The following HIPK2 variants were observed in gnomAD, a reference collection of about 807,000 sequenced individuals.
The protein encoded by HIPK2 is homeodomain interacting protein kinase 2.
In HIPK2, 27 loss-of-function variants were observed where a neutral mutation model predicts 113.7. The ratio of observed to expected loss-of-function variants is 0.24; its 90% CI spans 0.17 to 0.33. The LOEUF (loss-of-function observed/expected upper bound fraction) is 0.33, where lower values mean the gene tolerates loss of function less well. HIPK2 is among the 10% of genes least tolerant of loss of function. HIPK2 has a pLI of 1.00. For synonymous variants in HIPK2, 631 were observed against 642.2 expected (o/e 0.98, Z 0.26); for missense variants, 1,257 against 1,588.0 (o/e 0.79, Z 3.54).
intron 9 of HIPK2, among the ~76,000 whole-genome samples, chr7:139,612,837 C>A (rs1346595652): frequency 6.6e-6 from 1 of 152,122 alleles, no homozygotes; most frequent in East Asian, 1.9e-4. Flanking sequence ...TCTAAAAACT[C>A]ATTTCTATTT....
intron 1 of HIPK2, among the ~76,000 whole-genome samples, chr7:139,745,876 T>TAGTTA: frequency 1.3e-5 from 2 of 152,262 alleles, no homozygotes; most frequent in Admixed American, 1.3e-4. Flanking sequence ...TACCCACTAC[T>TAGTTA]AGTTAAGTCT....
At chr7:139,763,257 C>T (rs1333954623) in intron 1 of HIPK2, among the ~76,000 whole-genome samples, 2 of 152,162 alleles carry the variant, frequency 1.3e-5, no homozygotes, top group Non-Finnish European at 2.9e-5. Context: ...AGTTGGACAT[C>T]TGAAGTACGG....
Position 139,565,701 on chromosome 7 carries a change from C to CTTCTTTTTTTTT in HIPK2, c.*7214_*7225dup, listed in dbSNP as rs1416780670. 6.6e-6 allele frequency: 1 copy of CTTCTTTTTTTTT among 150,412 alleles called. No individual in the cohort carries two copies. The highest frequency in any genetic ancestry group is 1.5e-5 in the Non-Finnish European group (1 of 67,714). The allele number at this position is 150,412 out of a possible 1,614,324, so 9.3% of individuals were successfully genotyped here. On this transcript the variant is annotated 3_prime_UTR_variant, in exon 15 of 15. Transcript: ENST00000406875. ...AAGTCTTGTCTTTCTTCCACCTCTA[C>CTTCTTTTTTTTT]TTCTTTTTTTTTTTCTTTTTTTTTT...
chr7:139,682,223 T>C (rs541754347), intron 2 of HIPK2, among the ~76,000 whole-genome samples: 2 of 152,226 alleles, frequency 1.3e-5, no homozygotes, highest in African/African-American at 4.8e-5. Flanking sequence ...TCCTGTTACC[T>C]CTCCAGCCTC....
At position 139,597,043 on chromosome 7, in the gene HIPK2, C is replaced by T. The variant is rs540662177; in HGVS notation, c.2436-45G>A. The T allele has an allele frequency of 9.1e-6, 14 of 1,546,420 alleles. No homozygotes were observed. In the South Asian group the frequency reaches 1.6e-4, roughly 17 times the overall value. On this transcript the variant is annotated intron_variant, in intron 11 of 14. Coordinates refer to ENST00000406875, the MANE Select transcript of HIPK2 (RefSeq NM_022740.5). The stretch of plus-strand genomic sequence containing the variant: ...CTCTCACACAGAGGAAGGTCAGGCC[C>T]CACAACTCCTTCGAAGGAGCCCAAT...
At chr7:139,730,868 C>T (rs1795756335) in intron 1 of HIPK2, among the ~76,000 whole-genome samples, 1 of 152,158 alleles carries the variant, frequency 6.6e-6, no homozygotes, top group Admixed American at 6.5e-5. Context: ...CACAGACATA[C>T]ACACAGAGTG....
At chr7:139,594,119 G>T (rs1217466586) in intron 12 of HIPK2, among the ~76,000 whole-genome samples, 2 of 152,022 alleles carry the variant, frequency 1.3e-5, no homozygotes, top group African/African-American at 4.8e-5. Flanking sequence ...ACTTGAATTT[G>T]CAACCGCACC....
chr7:139,685,449 C>T (rs1015547611), intron 2 of HIPK2, among the ~76,000 whole-genome samples: 3 of 152,176 alleles, frequency 2.0e-5, no homozygotes, highest in Non-Finnish European at 4.4e-5. Context: ...AGGTATGAGC[C>T]ACCACACCCG....
At chr7:139,755,536 CT>C (rs1476121229) in intron 1 of HIPK2, among the ~76,000 whole-genome samples, 1 of 152,248 alleles carries the variant, frequency 6.6e-6, no homozygotes, top group African/African-American at 2.4e-5. Flanking sequence ...GTCTCCTGAG[CT>C]GACGGGGAAA....
At chr7:139,744,330 T>C (rs947357461) in intron 1 of HIPK2, among the ~76,000 whole-genome samples, 1 of 152,202 alleles carries the variant, frequency 6.6e-6, no homozygotes, top group Non-Finnish European at 1.5e-5. Context: ...AGATCACACA[T>C]TGTCTGATTC....
At chr7:139,723,613 A>G (rs1458317092) in intron 1 of HIPK2, among the ~76,000 whole-genome samples, 6 of 152,238 alleles carry the variant, frequency 3.9e-5, no homozygotes, top group Non-Finnish European at 5.9e-5. Context: ...GATGAACTGA[A>G]AAGTTGCTTC....
chr7:139,773,621 G>A (rs1382362341), intron 1 of HIPK2, among the ~76,000 whole-genome samples: 2 of 152,154 alleles, frequency 1.3e-5, no homozygotes, highest in Non-Finnish European at 2.9e-5. Flanking sequence ...GAGGAAGGGA[G>A]AGAGAGAGAG....
Position 139,600,609 on chromosome 7 carries a change from C to A in HIPK2, c.2256-13G>T. ...AGCATGCGTATTTCTGAAAGGCAAC[C>A]GGGACAACAAGGTGCCTTAGAGGTG... On this transcript the variant is annotated splice_polypyrimidine_tract_variant and intron_variant, in intron 10 of 14. Coordinates refer to ENST00000406875, the MANE Select transcript of HIPK2 (RefSeq NM_022740.5). The A allele has an allele frequency of 6.2e-7, 1 of 1,612,826 alleles. No individual in the cohort carries two copies. Among genetic ancestry groups the A allele is most frequent in the African/African-American group, 1.3e-5 (1 of 75,008 alleles).
intron 12 of HIPK2, 44 bp downstream of exon 12, chr7:139,596,673 C>A: frequency 6.3e-7 from 1 of 1,592,800 alleles, no homozygotes; most frequent in South Asian, 1.1e-5. Context: ...ACAATGCAAA[C>A]CCTCCCGGCT....
chr7:139,625,355 T>C (rs1332711625), intron 6 of HIPK2, among the ~76,000 whole-genome samples: 5 of 151,022 alleles, frequency 3.3e-5, no homozygotes, highest in African/African-American at 1.2e-4. Flanking sequence ...TTAAACCGAA[T>C]GGACATTTTT....
At chr7:139,748,844 C>T (rs936697319) in intron 1 of HIPK2, among the ~76,000 whole-genome samples, 3 of 152,132 alleles carry the variant, frequency 2.0e-5, no homozygotes, top group Non-Finnish European at 2.9e-5. Context: ...TCCTCCTGGC[C>T]CACCATCTGC....
At chr7:139,700,867 T>C (rs1383007363) in intron 2 of HIPK2, among the ~76,000 whole-genome samples, 15 of 152,190 alleles carry the variant, frequency 9.9e-5, no homozygotes, top group Non-Finnish European at 1.9e-4. Context: ...GCCATGCACA[T>C]AGTAGGTATT....
chr7:139,714,291 T>C lies in HIPK2; in HGVS notation c.1103+1641A>G, dbSNP rs1006920706. Among the ~76,000 whole-genome samples the C allele has an allele frequency of 3.3e-5, 5 of 152,050 alleles. No homozygotes were observed. The highest frequency in any genetic ancestry group is 5.9e-5 in the Non-Finnish European group (4 of 67,996). On this transcript the variant is annotated intron_variant, in intron 2 of 14. Coordinates refer to ENST00000406875, the MANE Select transcript of HIPK2 (RefSeq NM_022740.5). The surrounding 1 kb of genome is among the most constrained non-coding windows in gnomAD (Gnocchi z 4.2). Reference sequence around the variant, plus strand: ...AGGGAAGAGACAGAAACAGCATGGGTGAAGAGGCCTCGAAACCTCCTGTGT... The same window carrying C: ...AGGGAAGAGACAGAAACAGCATGGGCGAAGAGGCCTCGAAACCTCCTGTGT...
intron 6 of HIPK2, among the ~76,000 whole-genome samples, chr7:139,624,125 C>T (rs561464031): frequency 1.2e-4 from 18 of 151,826 alleles, no homozygotes; most frequent in Non-Finnish European, 2.1e-4. Flanking sequence ...TGGGTTCAAG[C>T]GATTCTTGTG....
Sources: gnomAD v4.1 joint callset for allele counts (sites outside exome capture counted in the v4.1 genomes callset) on GRCh38, gnomAD v4.1.1 for gene constraint, Gnocchi (gnomAD v3.1) non-coding constraint, MANE v1.5 for transcripts, NCBI Gene and HGNC (gene_info 2026-07-23, HGNC 2026-07-21) for gene names.